THBS2: variants seen among roughly 807,000 people sequenced by gnomAD.
THBS2 encodes the protein thrombospondin-2.
THBS2 carries 47 observed loss-of-function variants against 135.2 expected under a neutral mutation model. The observed-to-expected ratio is 0.35, with a 90% CI of 0.28 to 0.44. The LOEUF is 0.44. Ranked by LOEUF, THBS2 falls within the 20% of genes least tolerant of loss-of-function variation. THBS2 has a pLI of 1.00. For synonymous variants in THBS2, 639 were observed against 633.8 expected, an observed-to-expected ratio of 1.01 and a Z score of -0.12; for missense variants, 1,288 against 1,603.1, an observed-to-expected ratio of 0.80 and a Z score of 3.36.
chr6:169,233,157 A>C, intron 10 of THBS2, 140 bp from the exon 11 acceptor site: 1 of 1,281,352 alleles, frequency 7.8e-7, no homozygotes, highest in Non-Finnish European at 1.0e-6. Flanking sequence ...GTGATTCTGG[A>C]TGATCATCAA....
intron 4 of THBS2, among the ~76,000 whole-genome samples, chr6:169,245,664 T>G (rs544999426): frequency 2.0e-5 from 3 of 151,594 alleles, no homozygotes; most frequent in Non-Finnish European, 2.9e-5. Flanking sequence ...TGGTGGCGGG[T>G]GCCTGTAGTC....
chr6:169,226,079 G>C (rs1779614906), intron 16 of THBS2, 101 bp downstream of exon 16: 1 of 1,334,634 alleles, frequency 7.5e-7, no homozygotes, highest in Admixed American at 1.8e-5. Context: ...GGTCAGGGTT[G>C]TGCACCAGGG....
chr6:169,234,665 A>G, intron 10 of THBS2, 69 bp downstream of exon 10: 2 of 1,374,848 alleles, frequency 1.5e-6, no homozygotes. Flanking sequence ...CTAGTTTCCC[A>G]AAGCGTTTGT....
chr6:169,222,587 G>C, intron 18 of THBS2, 119 bp from the exon 19 acceptor site: 1 of 1,135,384 alleles, frequency 8.8e-7, no homozygotes, highest in Non-Finnish European at 1.3e-6. Context: ...CTGAGGTCAA[G>C]AGTTCGAGAC....
intron 19 of THBS2, 63 bp from the exon 20 acceptor site, chr6:169,221,590 A>G: frequency 6.8e-7 from 1 of 1,467,142 alleles, no homozygotes; most frequent in South Asian, 1.1e-5. Context: ...ACAGCTCTGT[A>G]ACACCAAGCA....
In THBS2 at chr6:169,237,360, C is replaced by T. The variant is rs745568666; in HGVS notation, c.1301-14G>A. On this transcript the variant is annotated splice_polypyrimidine_tract_variant and intron_variant, in intron 8 of 21. Transcript: ENST00000617924. ...CGTCCTGCCGGACTAACACAAGAAG[C>T]GGAGAGAGATCAGGCTGTGCCGCCT... The T allele has an allele frequency of 1.6e-5, 25 of 1,612,816 alleles. No homozygotes were observed. Among genetic ancestry groups the T allele is most frequent in the Admixed American group, 1.5e-4 (9 of 59,994 alleles).
intron 21 of THBS2, 34 bp downstream of exon 21, chr6:169,220,164 G>A: frequency 6.2e-7 from 1 of 1,601,872 alleles, no homozygotes; most frequent in South Asian, 1.1e-5. Flanking sequence ...GGTGCCACAT[G>A]CCTTCCCCAC....
chr6:169,218,667 GGGC>G (rs1779285685), intron 21 of THBS2, among the ~76,000 whole-genome samples: 1 of 121,446 alleles, frequency 8.2e-6, no homozygotes, highest in African/African-American at 3.1e-5. Flanking sequence ...TGAGATGGAT[GGGC>G]GGATGAGTAG....
At position 169,232,936 on chromosome 6, in the gene THBS2, G is replaced by A. The variant is rs1461294692; in HGVS notation, c.1733C>T (p.Pro578Leu). ...GGTGCCATTGCCCAAGAAGCCCACAGGGCAGGAGCCGCATGACCAGGACCC... is the reference window on the plus strand; with the variant it reads ...GGTGCCATTGCCCAAGAAGCCCACAAGGCAGGAGCCGCATGACCAGGACCC... ...PDGSWSCGSCPVGFLGNGTHC... is the reference protein window; with the variant it reads ...PDGSWSCGSCLVGFLGNGTHC... The change falls in exon 11 of 22, where the codon CCT becomes CTT. Residue 578 changes from proline to leucine, a missense_variant. Pro to Leu is a moderately conservative substitution (Grantham distance 98, BLOSUM62 -3). Coordinates refer to ENST00000617924, the MANE Select transcript of THBS2 (RefSeq NM_003247.5). 1.3e-6 allele frequency: 2 copies of A among 1,575,474 alleles called. No homozygotes were observed. Among genetic ancestry groups the A allele is most frequent in the African/African-American group, 2.7e-5 (2 of 74,568 alleles).
intron 17 of THBS2, 61 bp downstream of exon 17, chr6:169,225,084 G>T: frequency 6.6e-7 from 1 of 1,518,674 alleles, no homozygotes; most frequent in Non-Finnish European, 9.1e-7. Context: ...ACATATCTCT[G>T]CCCTGGCGGG....
chr6:169,244,829 G>T (rs935995016), intron 4 of THBS2, among the ~76,000 whole-genome samples: 1 of 152,240 alleles, frequency 6.6e-6, no homozygotes, highest in South Asian at 2.1e-4. Flanking sequence ...CGTGGTGGGG[G>T]TGACAGTTGG....
rs1188693066 is a variant in THBS2, at chr6:169,250,715, G to A, written c.52+18C>T. On this transcript the variant is annotated intron_variant, in intron 2 of 21. Coordinates refer to ENST00000617924, the MANE Select transcript of THBS2 (RefSeq NM_003247.5). Reference sequence around the variant, plus strand: ...TCTCACAAGCCAGAGAGAGACCACAGGCTCTGAGGACACTCACCTTGCGTG... The same window carrying A: ...TCTCACAAGCCAGAGAGAGACCACAAGCTCTGAGGACACTCACCTTGCGTG... 7 of 1,611,414 alleles carry A rather than the reference G, an allele frequency of 4.3e-6. No individual in the cohort carries two copies. Among genetic ancestry groups the A allele is most frequent in the Non-Finnish European group, 5.9e-6 (7 of 1,178,704 alleles).
In THBS2 at chr6:169,222,332, C is replaced by T. The variant is rs750861595; in HGVS notation, c.3138G>A (p.Thr1046=). ...RFYVVMWKQV[T]QTYWEDQPTR... ...TGGGCTGGTCCTCCCAGTAGGTCTG[C>T]GTCACCTGCTTCCACATCACCACAT... Residue 1046 remains threonine, a synonymous_variant, in exon 19 of 22, where the codon ACG becomes ACA. Coordinates refer to ENST00000617924, the MANE Select transcript of THBS2 (RefSeq NM_003247.5). 3.4e-5 allele frequency: 55 copies of T among 1,613,486 alleles called. No individual in the cohort carries two copies. The highest frequency in any genetic ancestry group is 3.3e-4 in the Middle Eastern group (2 of 6,084).
intron 15 of THBS2, among the ~76,000 whole-genome samples, chr6:169,227,149 C>G (rs1779656649): frequency 6.6e-6 from 1 of 152,168 alleles, no homozygotes; most frequent in African/African-American, 2.4e-5. Flanking sequence ...TGAGACAGAA[C>G]AGCAGGTTGG....
At chr6:169,249,057 C>T (rs1271608438) in intron 2 of THBS2, 84 bp from the exon 3 acceptor site, 11 of 1,343,118 alleles carry the variant, frequency 8.2e-6, no homozygotes, top group Non-Finnish European at 1.1e-5. Context: ...ACCAGAACCT[C>T]GCGTGTAAGG....
chr6:169,241,427 A>ATGTG lies in THBS2; in HGVS notation c.891+331_891+334dup, dbSNP rs1222960538. On this transcript the variant is annotated intron_variant, in intron 5 of 21. Transcript: ENST00000617924. This position sits in a 1 kb window ranked among gnomAD's most constrained non-coding sequence, Gnocchi z 5.5. ...TGTGTGTGTGTGTGTATGTGTGTGT[A>ATGTG]TGTGTGTGTGTATGTGTGTGTGTGT... Among the ~76,000 whole-genome samples, 3 of 75,958 alleles carry ATGTG rather than the reference A, an allele frequency of 3.9e-5. No individual in the cohort carries two copies. The highest frequency in any genetic ancestry group is 1.9e-4 in the African/African-American group (3 of 15,494). 49.8% of individuals were successfully genotyped at this position (75,958 alleles called of 152,430 possible). A position where few individuals can be genotyped will look rare whatever the true frequency, so the allele number is the denominator to read the frequency against.
chr6:169,242,598 A>AC (rs1477109530), intron 4 of THBS2, among the ~76,000 whole-genome samples: 5 of 62,956 alleles, frequency 7.9e-5, no homozygotes, highest in East Asian at 1.0e-3. Context: ...CCACCTTCCC[A>AC]CATTCCCACC....
chr6:169,216,750 T>C lies in THBS2; in HGVS notation c.*1072A>G, dbSNP rs913018015. Reference sequence around the variant, plus strand: ...AGATGTTTGTTTCTAGAAATTATACTACATATGTGTTACTAGGCATATTTA... The same window carrying C: ...AGATGTTTGTTTCTAGAAATTATACCACATATGTGTTACTAGGCATATTTA... On this transcript the variant is annotated 3_prime_UTR_variant, in exon 22 of 22. Coordinates refer to ENST00000617924, the MANE Select transcript of THBS2 (RefSeq NM_003247.5). 6.6e-6 allele frequency: 1 copy of C among 152,216 alleles called. No homozygotes were observed. Among genetic ancestry groups the C allele is most frequent in the African/African-American group, 2.4e-5 (1 of 41,444 alleles). The allele number at this position is 152,216 out of a possible 1,614,324, so 9.4% of individuals were successfully genotyped here. A position where few individuals can be genotyped will look rare whatever the true frequency, so the allele number is the denominator to read the frequency against.
Position 169,229,674 on chromosome 6 carries a change from G to C in THBS2, c.2157C>G (p.Asn719Lys). The C allele has an allele frequency of 6.2e-7, 1 of 1,613,184 alleles. No homozygotes were observed. Among genetic ancestry groups the C allele is most frequent in the Non-Finnish European group, 8.5e-7 (1 of 1,179,222 alleles). ...GCCCAGAATTTGGCAGATGGGGGCA[G>C]TTATCCTGCAATTGGAGAAGGAAGA... is the stretch of plus-strand genomic sequence containing the variant. ...TNATYHCIKD[N>K]CPHLPNSGQE... The change falls in exon 14 of 22, where the codon AAC becomes AAG. Residue 719 changes from asparagine to lysine, a missense_variant. Around this residue, in one of 2 missense-constraint regions of THBS2, gnomAD observed 874 missense variants for 1,156.1 expected, o/e 0.76. Transcript: ENST00000617924.
Sources: gnomAD v4.1 joint callset for allele counts (sites outside exome capture counted in the v4.1 genomes callset) on GRCh38, gnomAD v4.1.1 for gene constraint, gnomAD v4.1.1 regional missense constraint, Gnocchi (gnomAD v3.1) non-coding constraint, MANE v1.5 for transcripts, NCBI Gene and HGNC (gene_info 2026-07-23, HGNC 2026-07-21) for gene names.